The following LRPPRC variants were observed in gnomAD, a reference collection of about 807,000 sequenced individuals.
LRPPRC encodes leucine-rich PPR motif-containing protein, mitochondrial.
In LRPPRC, 120 loss-of-function variants were observed where a neutral mutation model predicts 180.3. The ratio of observed to expected loss-of-function variants is 0.67; its 90% confidence interval spans 0.57 to 0.77. LRPPRC has a LOEUF of 0.77. Ranked by LOEUF, LRPPRC falls within the 30% of genes least tolerant of loss-of-function variation. The probability of loss-of-function intolerance (pLI) is 0.00; values close to 1 mark genes in which losing one functional copy is unlikely to be tolerated. For synonymous variants in LRPPRC, 723 were observed against 600.0 expected (o/e 1.21, Z -3.00); for missense variants, 2,012 against 1,657.2 (o/e 1.21, Z -3.72).
At chr2:43,965,408 A>C (rs1169661619) in intron 11 of LRPPRC, among the ~76,000 whole-genome samples, 1 of 152,234 alleles carries the variant, frequency 6.6e-6, no homozygotes, top group Non-Finnish European at 1.5e-5. Context: ...AATAGATTAA[A>C]GACTTAAACT....
At chr2:43,896,992 G>C (rs557972668) in intron 34 of LRPPRC, among the ~76,000 whole-genome samples, 2 of 152,184 alleles carry the variant, frequency 1.3e-5, no homozygotes, top group South Asian at 4.1e-4. Flanking sequence ...ATAAGGTTTA[G>C]GACTGCAAAG....
At chr2:43,918,784 T>G (rs1025833414) in intron 27 of LRPPRC, among the ~76,000 whole-genome samples, 1 of 34,586 alleles carries the variant, frequency 2.9e-5, no homozygotes, top group Non-Finnish European at 4.3e-5. Context: ...GAAATATATA[T>G]ATATATAGAT....
In LRPPRC at chr2:43,934,860, A is replaced by G. The variant is rs751466772; in HGVS notation, c.2523T>C (p.Ala841=). 6.2e-7 allele frequency: 1 copy of G among 1,613,232 alleles called. No homozygotes were observed. The highest frequency in any genetic ancestry group is 8.5e-7 in the Non-Finnish European group (1 of 1,179,342). Residue 841 remains alanine (A), a synonymous_variant, in exon 24 of 38, where the codon GCT becomes GCC. Coordinates refer to ENST00000260665, the MANE Select transcript of LRPPRC (RefSeq NM_133259.4). ...VHLEKGDLST[A]LEVAIDCYEK... is the part of the protein sequence containing the mutation. ...CATAGCAGTCAATGGCGACCTCAAG[A>G]GCAGTAGATAGGTCGCCCCTTAGAA...
intron 30 of LRPPRC, among the ~76,000 whole-genome samples, chr2:43,911,523 C>CTTTTTTTT (rs531172761): frequency 4.3e-5 from 4 of 92,370 alleles, no homozygotes; most frequent in Admixed American, 2.9e-4. Flanking sequence ...TCTTCTTCTT[C>CTTTTTTTT]TTTTTTTTTT....
intron 13 of LRPPRC, among the ~76,000 whole-genome samples, chr2:43,959,635 T>C (rs1416668085): frequency 1.3e-5 from 2 of 152,232 alleles, no homozygotes; most frequent in Non-Finnish European, 2.9e-5. Flanking sequence ...CCAGGCGCAG[T>C]GGCTCACACC....
intron 29 of LRPPRC, among the ~76,000 whole-genome samples, chr2:43,916,850 T>C (rs1416655313): frequency 6.9e-6 from 1 of 145,070 alleles, no homozygotes; most frequent in African/African-American, 2.6e-5. Flanking sequence ...GAAACTGAGG[T>C]AGGATAACTG....
chr2:43,899,646 T>A, intron 32 of LRPPRC, 41 bp from the exon 33 acceptor site: 2 of 1,408,220 alleles, frequency 1.4e-6, no homozygotes, highest in Non-Finnish European at 2.0e-6. Context: ...TTTGCTTTTA[T>A]GTTAATATTA....
chr2:43,898,071 T>TAAAAAAAAAAAAAAAAAAAA (rs61550367), intron 34 of LRPPRC, among the ~76,000 whole-genome samples: 5 of 115,916 alleles, frequency 4.3e-5, no homozygotes, highest in African/African-American at 1.3e-4. Context: ...TCCTTAAAAT[T>TAAAAAAAAAAAAAAAAAAAA]AAAAAAAAAA....
At chr2:43,983,260 T>C (rs1455624944) in intron 1 of LRPPRC, among the ~76,000 whole-genome samples, 3 of 152,096 alleles carry the variant, frequency 2.0e-5, no homozygotes, top group Admixed American at 6.5e-5. Context: ...AGTCGAATGC[T>C]CTCTAACATG....
At chr2:43,986,395 G>A (rs977097788) in intron 1 of LRPPRC, among the ~76,000 whole-genome samples, 1 of 152,168 alleles carries the variant, frequency 6.6e-6, no homozygotes, top group African/African-American at 2.4e-5. Flanking sequence ...CTCCCAAAGT[G>A]CTAGGATTAC....
At chr2:43,909,382 G>C (rs1671176921) in intron 30 of LRPPRC, among the ~76,000 whole-genome samples, 2 of 152,010 alleles carry the variant, frequency 1.3e-5, no homozygotes, top group South Asian at 4.1e-4. Flanking sequence ...TAAAAGAAAA[G>C]TCTCACTTGT....
chr2:43,922,317 A>C (rs896855078), intron 27 of LRPPRC, among the ~76,000 whole-genome samples: 2 of 152,178 alleles, frequency 1.3e-5, no homozygotes, highest in Non-Finnish European at 2.9e-5. Flanking sequence ...TGTTTTGTGC[A>C]TGTTTCTGTA....
intron 1 of LRPPRC, among the ~76,000 whole-genome samples, chr2:43,992,193 G>A (rs374737123): frequency 2.6e-5 from 4 of 152,236 alleles, no homozygotes; most frequent in African/African-American, 7.2e-5. Flanking sequence ...AGAGATGGGG[G>A]ACACCTGACT....
intron 1 of LRPPRC, among the ~76,000 whole-genome samples, chr2:43,988,612 T>A (rs2103769340): frequency 6.6e-6 from 1 of 152,250 alleles, no homozygotes; most frequent in African/African-American, 2.4e-5. Context: ...TAAATGCCTC[T>A]GAGTTTTTGT....
intron 7 of LRPPRC, 22 bp downstream of exon 7, chr2:43,975,069 T>C: frequency 6.2e-7 from 1 of 1,609,216 alleles, no homozygotes; most frequent in Non-Finnish European, 8.5e-7. Context: ...TTAAAGTATG[T>C]TTATTTAGAC....
chr2:43,950,708 G>T, intron 14 of LRPPRC, 108 bp from the exon 15 acceptor site: 1 of 809,306 alleles, frequency 1.2e-6, no homozygotes, highest in Non-Finnish European at 2.1e-6. Context: ...GTAAATAAAT[G>T]TTTGCTGTAT....
At chr2:43,975,652 G>T (rs1035976754) in intron 6 of LRPPRC, among the ~76,000 whole-genome samples, 4 of 150,630 alleles carry the variant, frequency 2.7e-5, no homozygotes, top group Non-Finnish European at 5.9e-5. Flanking sequence ...GTGTAATCTC[G>T]GCTCACTGCA....
chr2:43,947,459 T>C, intron 19 of LRPPRC, 89 bp from the exon 20 acceptor site: 5 of 722,784 alleles, frequency 6.9e-6, no homozygotes, highest in Non-Finnish European at 1.2e-5. Flanking sequence ...CTGACTTTCC[T>C]TTCTACCTTC....
chr2:43,977,659 G>A (rs1674121137), intron 3 of LRPPRC, among the ~76,000 whole-genome samples: 1 of 152,160 alleles, frequency 6.6e-6, no homozygotes, highest in African/African-American at 2.4e-5. Context: ...TGTAACTTCA[G>A]TTCTTTCACA....
Sources: gnomAD v4.1 joint callset for allele counts (sites outside exome capture counted in the v4.1 genomes callset) on GRCh38, gnomAD v4.1.1 for gene constraint, MANE v1.5 for transcripts, NCBI Gene and HGNC (gene_info 2026-07-23, HGNC 2026-07-21) for gene names.